The following RNLS variants were observed in gnomAD, a reference collection of about 807,000 sequenced individuals.
RNLS encodes renalase.
Under a neutral mutation model 39.8 loss-of-function variants are expected in RNLS, and 39 were observed. The observed-to-expected ratio is 0.98, with a 90% CI of 0.76 to 1.28. The LOEUF is 1.28. Among genes scored for constraint, RNLS ranks in the 50% most tolerant of loss-of-function variants. The pLI is 0.00. For missense variants in RNLS, 410 were observed against 413.3 expected (o/e 0.99, Z 0.07); for synonymous variants, 147 against 150.7 (o/e 0.98, Z 0.18).
chr10:88,356,360 GC>G (rs535009479), intron 5 of RNLS, among the ~76,000 whole-genome samples: 19 of 152,214 alleles, frequency 1.2e-4, no homozygotes, highest in East Asian at 9.6e-4. Context: ...TCTTGGAACT[GC>G]CCCCCGATTC....
chr10:88,223,184 T>C, the RNLS span, among the ~76,000 whole-genome samples: 1 of 152,240 alleles, frequency 6.6e-6, no homozygotes, highest in African/African-American at 2.4e-5. Context: ...TCCTGTTCTC[T>C]TCAGGAACAT....
chr10:88,443,162 T>C (rs1841826524), intron 4 of RNLS, among the ~76,000 whole-genome samples: 1 of 152,226 alleles, frequency 6.6e-6, no homozygotes, highest in South Asian at 2.1e-4. Flanking sequence ...AATTTTACAA[T>C]TTTATGACTT....
chr10:88,328,537 T>A (rs878865991), intron 5 of RNLS, among the ~76,000 whole-genome samples: 1 of 152,180 alleles, frequency 6.6e-6, no homozygotes, highest in Admixed American at 6.5e-5. Context: ...TTCAAAAAAG[T>A]CTTCTTTTTG....
rs147152487 is a variant in RNLS, at chr10:88,479,866, C to T, written c.526+93037G>A. Among the ~76,000 whole-genome samples the T allele has an allele frequency of 3.4e-4, 51 of 148,990 alleles. 5 individuals carry two copies. In the East Asian group the frequency reaches 0.01, roughly 30 times the overall value. On this transcript the variant is annotated intron_variant, in intron 4 of 6. Transcript: ENST00000331772. The stretch of plus-strand genomic sequence containing the variant: ...AAAATCCAGATGCAACATATGAATA[C>T]AAATTTACCAAAAGATCATAATAAA...
intron 4 of RNLS, among the ~76,000 whole-genome samples, chr10:88,505,864 G>T (rs1007917400): frequency 1.3e-5 from 2 of 152,106 alleles, no homozygotes; most frequent in African/African-American, 2.4e-5. Context: ...GAATGCACAT[G>T]TTATCAGTGT....
intron 4 of RNLS, among the ~76,000 whole-genome samples, chr10:88,428,773 C>T (rs774374551): frequency 1.3e-4 from 19 of 151,964 alleles, no homozygotes; most frequent in Non-Finnish European, 2.7e-4. Context: ...AGATCAGATC[C>T]TACTGTGTGA....
At chr10:88,223,648 G>T in the RNLS span, among the ~76,000 whole-genome samples, 6 of 152,276 alleles carry the variant, frequency 3.9e-5, no homozygotes, top group South Asian at 6.2e-4. Context: ...ACTTTCTATG[G>T]AGATATGTCT....
chr10:88,468,438 G>C (rs979829482), intron 4 of RNLS, among the ~76,000 whole-genome samples: 1 of 152,086 alleles, frequency 6.6e-6, no homozygotes, highest in Non-Finnish European at 1.5e-5. Flanking sequence ...CAACTATGTT[G>C]ACAACTAGTC....
At chr10:88,420,533 T>C (rs1854342605) in intron 4 of RNLS, among the ~76,000 whole-genome samples, 1 of 152,214 alleles carries the variant, frequency 6.6e-6, no homozygotes, top group Non-Finnish European at 1.5e-5. Flanking sequence ...GTTGCTGGCT[T>C]CTTTACTTGC....
intron 4 of RNLS, among the ~76,000 whole-genome samples, chr10:88,477,224 G>A (rs1367332041): frequency 2.0e-5 from 3 of 151,980 alleles, no homozygotes; most frequent in African/African-American, 7.3e-5. Flanking sequence ...GTGTACATCT[G>A]CCCTATGGAG....
At chr10:88,293,996 G>A (rs1468311588) in intron 6 of RNLS, among the ~76,000 whole-genome samples, 1 of 152,178 alleles carries the variant, frequency 6.6e-6, no homozygotes, top group Non-Finnish European at 1.5e-5. Context: ...AGAATCTACA[G>A]TAACACATGG....
At chr10:88,261,759 A>C in the RNLS span, among the ~76,000 whole-genome samples, 2 of 152,252 alleles carry the variant, frequency 1.3e-5, no homozygotes, top group African/African-American at 2.4e-5. Context: ...GATAATTAAA[A>C]AGAATGAACA....
At chr10:88,244,378 C>T in the RNLS span, among the ~76,000 whole-genome samples, 4 of 152,188 alleles carry the variant, frequency 2.6e-5, no homozygotes, top group Non-Finnish European at 4.4e-5. Context: ...GGCAACGCCC[C>T]CCCATAATAT....
intron 4 of RNLS, among the ~76,000 whole-genome samples, chr10:88,414,228 T>C (rs1853874824): frequency 7.1e-6 from 1 of 140,016 alleles, no homozygotes; most frequent in South Asian, 2.4e-4. Context: ...TCTGTGAGCA[T>C]ACGAAAAAAA....
In RNLS at chr10:88,445,637, A is replaced by C. The variant is rs528394214; in HGVS notation, c.527-82912T>G. Among the ~76,000 whole-genome samples the C allele has an allele frequency of 3.9e-5, 6 of 152,314 alleles. No individual in the cohort carries two copies. In the South Asian group the frequency reaches 1.2e-3, roughly 32 times the overall value. ...GAGGAAGATCTACCAAGCAAATGGA[A>C]AACAAAAAAAGGCAGGGGTTGCAAT... On this transcript the variant is annotated intron_variant, in intron 4 of 6. Transcript: ENST00000331772.
the RNLS span, among the ~76,000 whole-genome samples, chr10:88,174,806 T>A: frequency 6.6e-6 from 1 of 152,194 alleles, no homozygotes; most frequent in South Asian, 2.1e-4. Flanking sequence ...TCCTCTTAAA[T>A]TTTTTGGAAT....
chr10:88,549,495 G>T (rs907908014), intron 4 of RNLS, among the ~76,000 whole-genome samples: 2 of 152,134 alleles, frequency 1.3e-5, no homozygotes, highest in African/African-American at 4.8e-5. Flanking sequence ...AAGCCCAGGG[G>T]TTCAGGGCCC....
At chr10:88,402,883 A>C (rs1736721933) in intron 4 of RNLS, among the ~76,000 whole-genome samples, 1 of 152,026 alleles carries the variant, frequency 6.6e-6, no homozygotes, top group Non-Finnish European at 1.5e-5. Flanking sequence ...CTAGCGAATA[A>C]AGTAAAATAT....
the RNLS span, among the ~76,000 whole-genome samples, chr10:88,247,506 C>T: frequency 6.6e-6 from 1 of 152,214 alleles, no homozygotes; most frequent in African/African-American, 2.4e-5. Flanking sequence ...CTTGGGCCAG[C>T]TATTCTCTCT....
Sources: allele counts gnomAD v4.1 joint callset (sites outside exome capture counted in the v4.1 genomes callset), GRCh38; gene constraint gnomAD v4.1.1; transcripts MANE v1.5; gene names NCBI Gene and HGNC (gene_info 2026-07-23, HGNC 2026-07-21).